ALDH2: variants seen among roughly 807,000 people sequenced by gnomAD.
The protein encoded by ALDH2 is aldehyde dehydrogenase, mitochondrial.
A neutral mutation model predicts 59.6 loss-of-function variants in ALDH2; 44 were observed. The observed-to-expected ratio is 0.74, with a 90% CI of 0.58 to 0.95. ALDH2 has a LOEUF of 0.95. Ranked by LOEUF, ALDH2 falls within the 40% of genes least tolerant of loss-of-function variation. The pLI, the probability that ALDH2 is intolerant of heterozygous loss-of-function variation, is 0.00. For missense variants in ALDH2, 570 were observed against 696.3 expected (o/e 0.82, Z 2.04); for synonymous variants, 291 against 284.0 (o/e 1.02, Z -0.25).
chr12:111,781,897 C>T, intron 1 of ALDH2, 21 bp from the exon 2 acceptor site: 2 of 1,587,616 alleles, frequency 1.3e-6, no homozygotes, highest in Non-Finnish European at 8.6e-7. Flanking sequence ...GTCCTGAGAA[C>T]TTCTTTCCTT....
At chr12:111,791,983 C>A (rs1003626619) in intron 7 of ALDH2, 78 bp from the exon 8 acceptor site, 2 of 881,050 alleles carry the variant, frequency 2.3e-6, no homozygotes, top group African/African-American at 3.4e-5. Flanking sequence ...CTGTGGGGGA[C>A]TCTGTTCTGT....
intron 1 of ALDH2, among the ~76,000 whole-genome samples, chr12:111,778,529 G>A (rs1335071406): frequency 7.0e-6 from 1 of 143,164 alleles, no homozygotes; most frequent in Non-Finnish European, 1.5e-5. Flanking sequence ...TGGGGAACAA[G>A]AGCCAGACTT....
chr12:111,816,310 T>C lies in ALDH2; in HGVS notation c.*6735T>C, dbSNP rs2068569517. The C allele has an allele frequency of 6.6e-6, 1 of 152,126 alleles. No individual in the cohort carries two copies. Among genetic ancestry groups the C allele is most frequent in the East Asian group, 1.9e-4 (1 of 5,188 alleles). 9.4% of individuals were successfully genotyped at this position (152,126 alleles called of 1,614,324 possible). A position where few individuals can be genotyped will look rare whatever the true frequency, so the allele number is the denominator to read the frequency against. Reference sequence around the variant, plus strand: ...TGAGCTTTAGTGCCCTTTGTATTTATTGGGTAAAGGAGATAGGGAGAAGGG... The same window carrying C: ...TGAGCTTTAGTGCCCTTTGTATTTACTGGGTAAAGGAGATAGGGAGAAGGG... On this transcript the variant is annotated 3_prime_UTR_variant, in exon 13 of 13. Coordinates refer to ENST00000261733, the MANE Select transcript of ALDH2 (RefSeq NM_000690.4).
intron 12 of ALDH2, among the ~76,000 whole-genome samples, chr12:111,808,630 G>A (rs2068514817): frequency 6.6e-6 from 1 of 152,056 alleles, no homozygotes. Flanking sequence ...GCTTGAACCT[G>A]GGAGGCAGAG....
At chr12:111,791,559 G>C in intron 7 of ALDH2, 140 bp downstream of exon 7, 2 of 662,684 alleles carry the variant, frequency 3.0e-6, no homozygotes, top group South Asian at 3.7e-5. Flanking sequence ...GTACCAGGAG[G>C]GGTGGGGCAG....
At chr12:111,767,499 C>A (rs956442194) in intron 1 of ALDH2, among the ~76,000 whole-genome samples, 1 of 152,194 alleles carries the variant, frequency 6.6e-6, no homozygotes, top group South Asian at 2.1e-4. Flanking sequence ...CCCTTTACCC[C>A]CTGACTCATG....
chr12:111,803,714 G>C (rs2068471721), intron 11 of ALDH2, 145 bp from the exon 12 acceptor site: 2 of 355,044 alleles, frequency 5.6e-6, no homozygotes, highest in Admixed American at 9.7e-5. Context: ...TCCAGCCTGG[G>C]CAACAGAGAA....
chr12:111,774,932 C>A (rs2068224635), intron 1 of ALDH2, among the ~76,000 whole-genome samples: 1 of 152,184 alleles, frequency 6.6e-6, no homozygotes, highest in Non-Finnish European at 1.5e-5. Context: ...CTAATTTCTA[C>A]ACAGTAATCT....
intron 9 of ALDH2, among the ~76,000 whole-genome samples, chr12:111,797,614 CA>C (rs57375192): frequency 0.21 from 30,108 of 140,102 alleles, 3,104 homozygotes; most frequent in Middle Eastern, 0.29. Context: ...AACAAAAATA[CA>C]AAAAAAAAAA....
In ALDH2 at chr12:111,813,447, C is replaced by G. The variant is rs1268710831; in HGVS notation, c.*3872C>G. On this transcript the variant is annotated 3_prime_UTR_variant, in exon 13 of 13. Transcript: ENST00000261733. ...TTGGCAGGCAGTGTAATGAGGGAAT[C>G]AAAGACCAGGATCACATACTGGAAA... is the stretch of plus-strand genomic sequence containing the variant. 4 of 152,182 alleles carry G rather than the reference C, an allele frequency of 2.6e-5. No homozygotes were observed. Among genetic ancestry groups the G allele is most frequent in the African/African-American group, 9.7e-5 (4 of 41,438 alleles). The allele number at this position is 152,182 out of a possible 1,614,324, so 9.4% of individuals were successfully genotyped here.
At chr12:111,799,158 C>T (rs1024467587) in intron 10 of ALDH2, among the ~76,000 whole-genome samples, 20 of 149,950 alleles carry the variant, frequency 1.3e-4, no homozygotes, top group Admixed American at 5.3e-4. Flanking sequence ...CCACCACGCC[C>T]GGCTTATTTT....
In ALDH2 at chr12:111,785,287, T is replaced by C. The variant is rs1593075539; in HGVS notation, c.381T>C (p.Asn127=). ...CTCAGGCCTTGGAGACCCTGGACAA[T>C]GGCAAGCCCTATGTCATCTCCTACC... ...TYLAALETLD[N]GKPYVISYLV... is the part of the protein sequence containing the mutation. Residue 127 remains asparagine, a synonymous_variant, in exon 4 of 13, where the codon AAT becomes AAC. Transcript: ENST00000261733. The C allele has an allele frequency of 2.5e-6, 4 of 1,613,944 alleles. No homozygotes were observed. The highest frequency in any genetic ancestry group is 2.2e-5 in the East Asian group (1 of 44,898).
At chr12:111,775,523 T>C in intron 1 of ALDH2, 1 of 389,492 alleles carries the variant, frequency 2.6e-6, no homozygotes, top group Non-Finnish European at 5.1e-6. Flanking sequence ...ATCCAATTTT[T>C]ACAAAACAAA....
At chr12:111,807,284 G>A (rs11066027) in intron 12 of ALDH2, among the ~76,000 whole-genome samples, 12,674 of 150,516 alleles carry the variant, frequency 0.084, 625 homozygotes, top group Middle Eastern at 0.16. Context: ...AAAACAAAAC[G>A]GAAAAAAAAA....
intron 12 of ALDH2, among the ~76,000 whole-genome samples, chr12:111,804,746 CAAAA>C (rs76471972): frequency 6.5e-5 from 4 of 61,600 alleles, no homozygotes; most frequent in East Asian, 4.8e-4. Context: ...GACTCCGTCT[CAAAA>C]AAAAAAAAAA....
intron 1 of ALDH2, chr12:111,775,759 A>G (rs1027496539): frequency 2.5e-5 from 11 of 446,326 alleles, no homozygotes; most frequent in Non-Finnish European, 4.0e-5. Context: ...GAGGTTATAA[A>G]GCATTTGGCC....
intron 1 of ALDH2, among the ~76,000 whole-genome samples, chr12:111,769,098 C>G (rs1283184252): frequency 6.6e-5 from 10 of 152,220 alleles, no homozygotes; most frequent in Non-Finnish European, 1.5e-4. Context: ...GATATGCACC[C>G]AGGCCCATAG....
chr12:111,790,867 C>T (rs2068352423), intron 6 of ALDH2, among the ~76,000 whole-genome samples: 1 of 152,120 alleles, frequency 6.6e-6, no homozygotes, highest in South Asian at 2.1e-4. Context: ...CCAGCCTGAG[C>T]AACATAGCAA....
intron 9 of ALDH2, among the ~76,000 whole-genome samples, chr12:111,795,596 C>CT (rs112888725): frequency 0.26 from 33,855 of 129,250 alleles, 5,555 homozygotes; most frequent in East Asian, 0.84. Context: ...CATTTCTTTT[C>CT]TTTTTTTTTT....
Sources: gnomAD v4.1 joint callset for allele counts (sites outside exome capture counted in the v4.1 genomes callset) on GRCh38, gnomAD v4.1.1 for gene constraint, MANE v1.5 for transcripts, NCBI Gene and HGNC (gene_info 2026-07-23, HGNC 2026-07-21) for gene names.